Variants in BATF3 observed in about 807,000 individuals in gnomAD.
The protein encoded by BATF3 is basic leucine zipper transcriptional factor ATF-like 3.
A neutral mutation model predicts 16.1 loss-of-function variants in BATF3; 8 were observed. The observed-to-expected ratio is 0.50, with a 90% CI of 0.29 to 0.90. The LOEUF is 0.90. Among genes scored for constraint, BATF3 ranks in the 40% least tolerant of loss-of-function variants. The pLI, the probability that BATF3 is intolerant of heterozygous loss-of-function variation, is 0.08. For missense variants in BATF3, 139 were observed against 167.0 expected (o/e 0.83, Z 0.92); for synonymous variants, 74 against 72.7 (o/e 1.02, Z -0.09).
chr1:212,687,967 A>AAAGAAAG (rs1571831789), intron 2 of BATF3, among the ~76,000 whole-genome samples: 3 of 99,716 alleles, frequency 3.0e-5, no homozygotes, highest in South Asian at 4.5e-4. Context: ...GAAAGAAAAA[A>AAAGAAAG]AAAGAAAGAA....
At chr1:212,691,704 G>T (rs912952670) in intron 2 of BATF3, among the ~76,000 whole-genome samples, 1 of 152,210 alleles carries the variant, frequency 6.6e-6, no homozygotes, top group Non-Finnish European at 1.5e-5. Flanking sequence ...GACATTTGGG[G>T]CTCCTGAGGA....
chr1:212,686,759 G>A lies in BATF3; in HGVS notation c.*32C>T. The A allele has an allele frequency of 6.3e-7, 1 of 1,591,188 alleles. No individual in the cohort carries two copies. On this transcript the variant is annotated 3_prime_UTR_variant, in exon 3 of 3. Coordinates refer to ENST00000243440, the MANE Select transcript of BATF3 (RefSeq NM_018664.3). ...CCTCCCAGGTATGAAAATGACCAAGGCTCCTTGCTGGGCAGAGGAGTGTCC... is the reference window on the plus strand; with the variant it reads ...CCTCCCAGGTATGAAAATGACCAAGACTCCTTGCTGGGCAGAGGAGTGTCC...
chr1:212,687,810 T>G (rs1309050930), intron 2 of BATF3, among the ~76,000 whole-genome samples: 2 of 150,192 alleles, frequency 1.3e-5, no homozygotes, highest in Non-Finnish European at 2.9e-5. Flanking sequence ...ACCTATAGTC[T>G]CAGGTACTCA....
rs1258759804 is a variant in BATF3 at position 212,699,670 on chromosome 1, T to C, written c.90+3A>G. The C allele has an allele frequency of 6.0e-6, 8 of 1,329,754 alleles. 1 individual carries two copies. In the South Asian group the frequency reaches 1.3e-4, roughly 22 times the overall value. The allele number at this position is 1,329,754 out of a possible 1,614,324, so 82.4% of individuals were successfully genotyped here. On this transcript the variant is annotated splice_donor_region_variant and intron_variant, in intron 1 of 2. Transcript: ENST00000243440. This position sits in a 1 kb window ranked among gnomAD's most constrained non-coding sequence, Gnocchi z 4.4. ...GGCCCTCCCTGAGCCTCTCGCCCTCTACCTGCTGCTGCGGCTGCGGCTGCG... is the reference window on the plus strand; with the variant it reads ...GGCCCTCCCTGAGCCTCTCGCCCTCCACCTGCTGCTGCGGCTGCGGCTGCG...
intron 2 of BATF3, among the ~76,000 whole-genome samples, chr1:212,694,517 C>T (rs894212391): frequency 1.3e-5 from 2 of 152,188 alleles, no homozygotes; most frequent in South Asian, 2.1e-4. Flanking sequence ...CCTCCAGATA[C>T]GTATTCAGTC....
At chr1:212,698,172 T>C (rs1261065152) in intron 1 of BATF3, 3 of 152,166 alleles carry the variant, frequency 2.0e-5, no homozygotes, top group Non-Finnish European at 4.4e-5. Flanking sequence ...AGTATGATAA[T>C]ACAGTCTTCT....
At chr1:212,688,710 G>A (rs981831590) in intron 2 of BATF3, among the ~76,000 whole-genome samples, 1 of 152,176 alleles carries the variant, frequency 6.6e-6, no homozygotes, top group African/African-American at 2.4e-5. Context: ...AATAGCCAAT[G>A]GCAGAGCTCT....
At chr1:212,695,039 C>T (rs1657092140) in intron 2 of BATF3, among the ~76,000 whole-genome samples, 1 of 152,222 alleles carries the variant, frequency 6.6e-6, no homozygotes, top group African/African-American at 2.4e-5. Flanking sequence ...TTCCATGTTG[C>T]CAATGCCCCA....
In BATF3 at chr1:212,699,675, G is replaced by T; in HGVS notation, c.88C>A (p.Gln30Lys). The T allele has an allele frequency of 2.2e-6, 3 of 1,338,798 alleles. No individual in the cohort carries two copies. The highest frequency in any genetic ancestry group is 2.9e-6 in the Non-Finnish European group (3 of 1,040,930). The allele number at this position is 1,338,798 out of a possible 1,614,324, so 82.9% of individuals were successfully genotyped here. A position where few individuals can be genotyped will look rare whatever the true frequency, so the allele number is the denominator to read the frequency against. Residue 30 changes from glutamine to lysine, a missense_variant and splice_region_variant, in exon 1 of 3, where the codon CAG becomes AAG. Transcript: ENST00000243440. This position sits in a 1 kb window ranked among gnomAD's most constrained non-coding sequence, Gnocchi z 4.4. ...GNQPQPQPQQ[Q>K]SPEDDDRKVR... ...TCCCTGAGCCTCTCGCCCTCTACCT[G>T]CTGCTGCGGCTGCGGCTGCGGCTGG...
At chr1:212,696,251 G>A (rs887679385) in intron 2 of BATF3, among the ~76,000 whole-genome samples, 1 of 152,172 alleles carries the variant, frequency 6.6e-6, no homozygotes, top group African/African-American at 2.4e-5. Context: ...AAGAGGGTTA[G>A]GAAAACTAGG....
Position 212,687,992 on chromosome 1 carries a change from A to G in BATF3, c.196-1013T>C, listed in dbSNP as rs867476969. Among the ~76,000 whole-genome samples, 3 of 130,424 alleles carry G rather than the reference A, an allele frequency of 2.3e-5. No individual in the cohort carries two copies. In the East Asian group the frequency reaches 6.9e-4, roughly 30 times the overall value. 85.6% of individuals were successfully genotyped at this position (130,424 alleles called of 152,430 possible). On this transcript the variant is annotated intron_variant, in intron 2 of 2. Coordinates refer to ENST00000243440, the MANE Select transcript of BATF3 (RefSeq NM_018664.3). ...AAAAGAAAGAAAGAAAGAAAGAAAG[A>G]AAGAAAGGAAGGAAGGAAGGAAGGA...
intron 2 of BATF3, 79 bp from the exon 3 acceptor site, chr1:212,687,058 T>C (rs1242303519): frequency 2.2e-6 from 2 of 907,890 alleles, no homozygotes. Context: ...GCTGTTCACC[T>C]CTTGCCCATG....
intron 2 of BATF3, among the ~76,000 whole-genome samples, chr1:212,696,756 C>T (rs1226393025): frequency 6.6e-6 from 1 of 152,130 alleles, no homozygotes; most frequent in East Asian, 1.9e-4. Flanking sequence ...ATGAAATAAA[C>T]TTGACCATGA....
rs1165933640 is a variant in BATF3 at position 212,689,680 on chromosome 1, A to AGC, written c.196-2703_196-2702dup. ...GCAGCAGAGGGATGAGAAAAGCTGC[A>AGC]GCACACACACACGTCTGCAAACACA... On this transcript the variant is annotated intron_variant, in intron 2 of 2. Transcript: ENST00000243440. The surrounding 1 kb of genome is among the most constrained non-coding windows in gnomAD (Gnocchi z 4.6). Among the ~76,000 whole-genome samples the AGC allele has an allele frequency of 6.6e-6, 1 of 152,082 alleles. No individual in the cohort carries two copies. Among genetic ancestry groups the AGC allele is most frequent in the African/African-American group, 2.4e-5 (1 of 41,392 alleles).
At chr1:212,695,798 G>A (rs561521981) in intron 2 of BATF3, among the ~76,000 whole-genome samples, 2 of 152,260 alleles carry the variant, frequency 1.3e-5, no homozygotes, top group East Asian at 3.9e-4. Context: ...GCAGCTCCAC[G>A]TCCCAACTGC....
At chr1:212,692,061 G>A (rs1171926487) in intron 2 of BATF3, among the ~76,000 whole-genome samples, 1 of 152,230 alleles carries the variant, frequency 6.6e-6, no homozygotes, top group African/African-American at 2.4e-5. Context: ...AACTCTGCGT[G>A]AAGGGGAACC....
Position 212,686,708 on chromosome 1 carries a change from G to A in BATF3, c.*83C>T. Reference sequence around the variant, plus strand: ...GGAGGCCTGGCCACAGGTGCCCCCTGTATACAATTGTGAAGGAAAAGCCTT... The same window carrying A: ...GGAGGCCTGGCCACAGGTGCCCCCTATATACAATTGTGAAGGAAAAGCCTT... On this transcript the variant is annotated 3_prime_UTR_variant, in exon 3 of 3. Coordinates refer to ENST00000243440, the MANE Select transcript of BATF3 (RefSeq NM_018664.3). 1 of 1,493,630 alleles carries A rather than the reference G, an allele frequency of 6.7e-7. No individual in the cohort carries two copies. Among genetic ancestry groups the A allele is most frequent in the East Asian group, 2.4e-5 (1 of 40,942 alleles). 92.5% of individuals were successfully genotyped at this position (1,493,630 alleles called of 1,614,324 possible).
intron 2 of BATF3, among the ~76,000 whole-genome samples, chr1:212,690,625 G>A (rs1656979640): frequency 6.6e-6 from 1 of 152,196 alleles, no homozygotes; most frequent in Non-Finnish European, 1.5e-5. Flanking sequence ...CTCACACCCA[G>A]AAGAAATTCC....
At chr1:212,687,032 C>A in intron 2 of BATF3, 53 bp from the exon 3 acceptor site, 1 of 1,198,490 alleles carries the variant, frequency 8.3e-7, no homozygotes, top group Non-Finnish European at 1.2e-6. Flanking sequence ...TCCCTTCCTC[C>A]GTCCTCCTGT....
Sources: gnomAD v4.1 joint callset for allele counts (sites outside exome capture counted in the v4.1 genomes callset) on GRCh38, gnomAD v4.1.1 for gene constraint, Gnocchi (gnomAD v3.1) non-coding constraint, MANE v1.5 for transcripts, NCBI Gene and HGNC (gene_info 2026-07-23, HGNC 2026-07-21) for gene names.